Variants in AXL observed in about 807,000 individuals in gnomAD.
AXL encodes AXL receptor tyrosine kinase, also known as tyrosine-protein kinase receptor UFO.
A neutral mutation model predicts 104.5 loss-of-function variants in AXL; 52 were observed. The ratio of observed to expected loss-of-function variants is 0.50; its 90% CI spans 0.40 to 0.63. The LOEUF (loss-of-function observed/expected upper bound fraction) is 0.63, where lower values mean the gene tolerates loss of function less well. AXL is among the 20% of genes least tolerant of loss of function. The probability of loss-of-function intolerance (pLI) is 0.00; values close to 1 mark genes in which losing one functional copy is unlikely to be tolerated. For missense variants in AXL, 1,024 were observed against 1,188.5 expected (o/e 0.86, Z 2.04); for synonymous variants, 455 against 473.7 (o/e 0.96, Z 0.51).
intron 19 of AXL, among the ~76,000 whole-genome samples, chr19:41,259,277 G>T (rs2034498509): frequency 1.3e-5 from 2 of 152,128 alleles, no homozygotes; most frequent in Admixed American, 1.3e-4. Flanking sequence ...GTTCTGGGGA[G>T]CTGGAAGGTC....
intron 12 of AXL, among the ~76,000 whole-genome samples, chr19:41,245,712 T>G (rs1466186673): frequency 5.6e-5 from 5 of 88,640 alleles, no homozygotes; most frequent in African/African-American, 2.3e-4. Context: ...AGACACCGTC[T>G]CAAAAAAAAA....
At chr19:41,240,297 A>G (rs2034159810) in intron 10 of AXL, among the ~76,000 whole-genome samples, 1 of 150,174 alleles carries the variant, frequency 6.7e-6, no homozygotes, top group South Asian at 2.1e-4. Context: ...TGGGTGGGTC[A>G]ATGGATTAAT....
At chr19:41,221,062 A>G in intron 2 of AXL, 84 bp from the exon 3 acceptor site, 2 of 1,338,818 alleles carry the variant, frequency 1.5e-6, no homozygotes, top group South Asian at 2.7e-5. Context: ...TCCAGACTGG[A>G]CACCCTCTTT....
chr19:41,228,158 T>C (rs932595686), intron 4 of AXL, among the ~76,000 whole-genome samples: 12 of 152,148 alleles, frequency 7.9e-5, no homozygotes, highest in Non-Finnish European at 1.5e-4. Context: ...GTCTCTCGTG[T>C]TTGTCTCTGT....
intron 4 of AXL, among the ~76,000 whole-genome samples, chr19:41,230,275 T>G (rs1359172896): frequency 6.6e-6 from 1 of 151,426 alleles, no homozygotes; most frequent in Admixed American, 6.6e-5. Flanking sequence ...TGAGTCTGTG[T>G]GAGCATGTGT....
chr19:41,254,996 T>C (rs543242378), intron 17 of AXL, among the ~76,000 whole-genome samples: 35 of 152,360 alleles, frequency 2.3e-4, no homozygotes, highest in African/African-American at 7.2e-4. Flanking sequence ...TATAGACCCA[T>C]GTAACCACTA....
chr19:41,253,831 A>C, intron 17 of AXL, 123 bp downstream of exon 17: 1 of 768,208 alleles, frequency 1.3e-6, no homozygotes, highest in Non-Finnish European at 2.2e-6. Flanking sequence ...AGAACTCAGG[A>C]CCAGGAAAGT....
chr19:41,249,135 A>G (rs778943988), intron 14 of AXL, among the ~76,000 whole-genome samples: 8 of 152,158 alleles, frequency 5.3e-5, no homozygotes, highest in Non-Finnish European at 1.0e-4. Flanking sequence ...GACACCAGGC[A>G]GGAGCTGGTA....
Position 41,220,837 on chromosome 19 carries a change from G to C in AXL, c.287G>C (p.Trp96Ser), listed in dbSNP as rs763716654. 6 of 1,614,060 alleles carry C rather than the reference G, an allele frequency of 3.7e-6. No individual in the cohort carries two copies. The South Asian group carries it at 6.6e-5, about 18-fold the overall frequency. Residue 96 changes from tryptophan (W) to serine (S), a missense_variant, in exon 2 of 20, where the codon TGG becomes TCG. By Grantham distance (177) the Trp-to-Ser change is radical. Transcript: ENST00000301178. Reference sequence around the variant, plus strand: ...CTGGGTGAGGATGAACAGGATGACTGGATAGTGGTCAGCCAGCTCAGGTGT... The same window carrying C: ...CTGGGTGAGGATGAACAGGATGACTCGATAGTGGTCAGCCAGCTCAGGTGT... ...VPLGEDEQDD[W>S]IVVSQLRITS...
At chr19:41,244,237 AAC>A (rs1406288547) in intron 12 of AXL, among the ~76,000 whole-genome samples, 2 of 152,084 alleles carry the variant, frequency 1.3e-5, no homozygotes, top group African/African-American at 4.8e-5. Context: ...AAAGAAAAGA[AAC>A]ACCAAACCTC....
In AXL at chr19:41,256,535, G is replaced by A. The variant is rs773403341; in HGVS notation, c.2120G>A (p.Arg707His). 8.7e-6 allele frequency: 14 copies of A among 1,614,078 alleles called. No individual in the cohort carries two copies. The highest frequency in any genetic ancestry group is 2.2e-5 in the South Asian group (2 of 91,084). The change falls in exon 18 of 20, where the codon CGT (arginine) becomes CAT (histidine). Residue 707 changes from arginine (R) to histidine (H), a missense_variant. Arg to His is a conservative substitution (Grantham distance 29). Around this residue, in one of 5 missense-constraint regions of AXL, gnomAD observed 523 missense variants for 636.0 expected, o/e 0.82. Transcript: ENST00000301178. The stretch of plus-strand genomic sequence containing the variant: ...AATGGGGACTACTACCGCCAGGGAC[G>A]TATCGCCAAGATGCCAGTCAAGTGG... ...IYNGDYYRQGRIAKMPVKWIA... is the reference protein window; with the variant it reads ...IYNGDYYRQGHIAKMPVKWIA...
intron 14 of AXL, among the ~76,000 whole-genome samples, chr19:41,250,150 A>G (rs1211402880): frequency 6.6e-6 from 1 of 152,206 alleles, no homozygotes; most frequent in Non-Finnish European, 1.5e-5. Flanking sequence ...AAAGCACTTC[A>G]TGCTGAGGGT....
intron 7 of AXL, 85 bp from the exon 8 acceptor site, chr19:41,238,385 G>T: frequency 6.4e-7 from 1 of 1,563,832 alleles, no homozygotes; most frequent in South Asian, 1.2e-5. Context: ...GTGTGCCCTT[G>T]GCACCCTGCA....
rs2033825367 is a variant in AXL at position 41,223,275 on chromosome 19, A to G, written c.586+1219A>G. Among the ~76,000 whole-genome samples, 6 of 152,188 alleles carry G rather than the reference A, an allele frequency of 3.9e-5. 1 individual carries two copies. In the South Asian group the frequency reaches 1.2e-3, roughly 31 times the overall value. On this transcript the variant is annotated intron_variant, in intron 4 of 19. Coordinates refer to ENST00000301178, the MANE Select transcript of AXL (RefSeq NM_021913.5). ...ACACCACTGCACTCCAGCCTGGGTG[A>G]CAGAGCAAGACTCTGTCTCAAAACG...
At chr19:41,242,265 CCTCAGGTTAAAAGT>C (rs2034195026) in intron 10 of AXL, among the ~76,000 whole-genome samples, 1 of 151,484 alleles carries the variant, frequency 6.6e-6, no homozygotes, top group African/African-American at 2.4e-5. Flanking sequence ...AACCCTGAAC[CCTCAGGTTAAAAGT>C]CTGATGCTCT....
rs112180627 is a variant in AXL at position 41,238,450 on chromosome 19, C to T, written c.995-20C>T. 2 of 1,599,890 alleles carry T rather than the reference C, an allele frequency of 1.3e-6. No individual in the cohort carries two copies. Among genetic ancestry groups the T allele is most frequent in the Non-Finnish European group, 1.7e-6 (2 of 1,169,268 alleles). ...AGGAAGAGGTGGGGGTGCCAGCTTC[C>T]CCTCTTCCCTGTCCTCCAGTGCCCC... On this transcript the variant is annotated intron_variant, in intron 7 of 19. Coordinates refer to ENST00000301178, the MANE Select transcript of AXL (RefSeq NM_021913.5).
At chr19:41,254,338 C>T (rs527802890) in intron 17 of AXL, among the ~76,000 whole-genome samples, 98 of 144,506 alleles carry the variant, frequency 6.8e-4, no homozygotes, top group African/African-American at 2.4e-3. Flanking sequence ...GATCGCATCA[C>T]TGCACTCCAG....
chr19:41,240,421 T>C (rs1285117477), intron 10 of AXL, among the ~76,000 whole-genome samples: 2 of 151,984 alleles, frequency 1.3e-5, no homozygotes, highest in South Asian at 2.1e-4. Context: ...GTTGGATAAA[T>C]GGATGGATGG....
At chr19:41,225,287 G>A (rs767614576) in intron 4 of AXL, among the ~76,000 whole-genome samples, 27 of 152,348 alleles carry the variant, frequency 1.8e-4, no homozygotes, top group Non-Finnish European at 1.3e-4. Flanking sequence ...TTACAGGCGT[G>A]AGCCACCGCA....
Sources: gnomAD v4.1 joint callset for allele counts (sites outside exome capture counted in the v4.1 genomes callset) on GRCh38, gnomAD v4.1.1 for gene constraint, gnomAD v4.1.1 regional missense constraint, MANE v1.5 for transcripts, NCBI Gene and HGNC (gene_info 2026-07-23, HGNC 2026-07-21) for gene names.